The following PAPOLA variants were observed in gnomAD, a reference collection of about 807,000 sequenced individuals.
PAPOLA encodes poly(A) polymerase alpha.
In PAPOLA, 15 loss-of-function variants were observed where a neutral mutation model predicts 100.6. That is an observed-to-expected ratio of 0.15 (90% CI 0.10 to 0.23). The LOEUF is 0.23. PAPOLA is among the 10% of genes least tolerant of loss of function. PAPOLA has a pLI of 1.00. For synonymous variants in PAPOLA, 293 were observed against 300.0 expected, an observed-to-expected ratio of 0.98 and a Z score of 0.24; for missense variants, 533 against 884.2, an observed-to-expected ratio of 0.60 and a Z score of 5.04.
At position 96,502,452 on chromosome 14, in the gene PAPOLA, G is replaced by T; in HGVS notation, c.-141G>T. On this transcript the variant is annotated 5_prime_UTR_variant, in exon 1 of 22. Coordinates refer to ENST00000216277, the MANE Select transcript of PAPOLA (RefSeq NM_032632.5). ...GGAAGGAGGAGAAGCGCTTAAAGCGGCGGGAGCGGTGCGGGAGAGGGGTTG... is the reference window on the plus strand; with the variant it reads ...GGAAGGAGGAGAAGCGCTTAAAGCGTCGGGAGCGGTGCGGGAGAGGGGTTG... The T allele has an allele frequency of 1.4e-6, 1 of 712,550 alleles. No individual in the cohort carries two copies. Among genetic ancestry groups the T allele is most frequent in the Non-Finnish European group, 2.5e-6 (1 of 399,022 alleles). 44.1% of individuals were successfully genotyped at this position (712,550 alleles called of 1,614,324 possible). A position where few individuals can be genotyped will look rare whatever the true frequency, so the allele number is the denominator to read the frequency against.
intron 1 of PAPOLA, among the ~76,000 whole-genome samples, chr14:96,510,335 G>A (rs1897026522): frequency 6.6e-6 from 1 of 150,966 alleles, no homozygotes; most frequent in African/African-American, 2.4e-5. Flanking sequence ...ACTTTTTCAG[G>A]TCCTGTTTCA....
intron 1 of PAPOLA, among the ~76,000 whole-genome samples, chr14:96,509,589 G>A (rs930127253): frequency 1.3e-5 from 2 of 152,256 alleles, no homozygotes; most frequent in Admixed American, 1.3e-4. Context: ...TGGGAACAGT[G>A]TACTTAACAC....
chr14:96,532,306 G>GTA, intron 7 of PAPOLA, 25 bp from the exon 8 acceptor site: 1 of 1,250,222 alleles, frequency 8.0e-7, no homozygotes, highest in Non-Finnish European at 1.1e-6. Context: ...GTGTGTGTGT[G>GTA]TTTTTTTTTA....
chr14:96,552,333 T>A (rs1468061976), intron 16 of PAPOLA, 147 bp from the exon 17 acceptor site: 1 of 689,366 alleles, frequency 1.5e-6, no homozygotes, highest in Admixed American at 2.9e-5. Flanking sequence ...TCGTTGCCTT[T>A]TAGAGTCAGC....
At chr14:96,533,255 A>T in intron 9 of PAPOLA, 1 of 984,444 alleles carries the variant, frequency 1.0e-6, no homozygotes. Flanking sequence ...CTGCCATTTT[A>T]TATTAATTGC....
chr14:96,519,845 T>A (rs1157981276), intron 1 of PAPOLA, among the ~76,000 whole-genome samples: 3 of 152,248 alleles, frequency 2.0e-5, no homozygotes, highest in Non-Finnish European at 1.5e-5. Flanking sequence ...CTAACTTAGA[T>A]GTTTAAGTAG....
At chr14:96,534,367 C>T (rs761785951) in intron 9 of PAPOLA, 124 bp from the exon 10 acceptor site, 6 of 1,490,228 alleles carry the variant, frequency 4.0e-6, no homozygotes, top group East Asian at 4.7e-5. Flanking sequence ...AGGATTAAAA[C>T]GTTGTATGTA....
chr14:96,538,820 C>G (rs1028849867), intron 12 of PAPOLA, among the ~76,000 whole-genome samples: 6 of 151,916 alleles, frequency 3.9e-5, no homozygotes, highest in Non-Finnish European at 7.4e-5. Flanking sequence ...ACTGTACAAC[C>G]AAATGGAAAT....
intron 12 of PAPOLA, among the ~76,000 whole-genome samples, chr14:96,540,956 C>G (rs762658949): frequency 3.9e-4 from 60 of 152,208 alleles, no homozygotes; most frequent in Admixed American, 9.2e-4. Flanking sequence ...GTGCGATGAT[C>G]TCGGCTCACT....
At chr14:96,531,258 C>T (rs1221117262) in intron 6 of PAPOLA, among the ~76,000 whole-genome samples, 5 of 151,994 alleles carry the variant, frequency 3.3e-5, no homozygotes, top group African/African-American at 1.2e-4. Context: ...GCCCAGGCCT[C>T]CCAAAGTGCT....
chr14:96,531,465 T>G lies in PAPOLA; in HGVS notation c.496-10T>G, dbSNP rs368481608. 2.0e-4 allele frequency: 316 copies of G among 1,585,014 alleles called. No individual in the cohort carries two copies. The highest frequency in any genetic ancestry group is 2.6e-4 in the Non-Finnish European group (305 of 1,163,262). On this transcript the variant is annotated splice_polypyrimidine_tract_variant and intron_variant, in intron 6 of 21. Coordinates refer to ENST00000216277, the MANE Select transcript of PAPOLA (RefSeq NM_032632.5). ...GACAGATATGGAATGTTGTTTTGTT[T>G]GTGTTTCAGATTGATATTTTGTTTG...
chr14:96,518,802 A>G (rs1481990609), intron 1 of PAPOLA, among the ~76,000 whole-genome samples: 1 of 151,876 alleles, frequency 6.6e-6, no homozygotes, highest in African/African-American at 2.4e-5. Context: ...CATGCCTGTA[A>G]TCCCAGCACT....
chr14:96,534,409 C>G (rs1233952266), intron 9 of PAPOLA, 82 bp from the exon 10 acceptor site: 5 of 1,561,146 alleles, frequency 3.2e-6, no homozygotes, highest in Non-Finnish European at 4.3e-6. Context: ...GGATCACGTT[C>G]ACAAATGCTG....
intron 1 of PAPOLA, among the ~76,000 whole-genome samples, chr14:96,517,698 CTTT>C (rs774296764): frequency 8.2e-6 from 1 of 121,856 alleles, no homozygotes. Context: ...TCAGCAAATG[CTTT>C]TTTTTTTTTT....
At chr14:96,502,777 C>G (rs1461803515) in intron 1 of PAPOLA, 177 bp downstream of exon 1, 1 of 626,374 alleles carries the variant, frequency 1.6e-6, no homozygotes, top group Non-Finnish European at 2.5e-6. Flanking sequence ...GCACTTCCCC[C>G]CGTGTGCTGG....
chr14:96,517,990 CACCA>C (rs1402564117), intron 1 of PAPOLA, among the ~76,000 whole-genome samples: 1 of 152,042 alleles, frequency 6.6e-6, no homozygotes, highest in East Asian at 1.9e-4. Context: ...AAGTGTGAGA[CACCA>C]TGCTTGGGCC....
chr14:96,503,980 GACTTA>G (rs1355227460), intron 1 of PAPOLA, among the ~76,000 whole-genome samples: 1 of 152,136 alleles, frequency 6.6e-6, no homozygotes, highest in African/African-American at 2.4e-5. Flanking sequence ...ACGTTTGTTA[GACTTA>G]ACTAACTATA....
chr14:96,544,180 T>G lies in PAPOLA; in HGVS notation c.1321T>G (p.Leu441Val). ...EEFRTMWVIG[L>V]VFKKTENSEN... ...ATTTCGCACGATGTGGGTGATTGGGTTAGTGTTTAAAAAAACAGAAAACTC... is the reference window on the plus strand; with the variant it reads ...ATTTCGCACGATGTGGGTGATTGGGGTAGTGTTTAAAAAAACAGAAAACTC... The change falls in exon 15 of 22, where the codon TTA becomes GTA. Residue 441 changes from leucine (L) to valine (V), a missense_variant. By Grantham distance (32) the Leu-to-Val change is conservative. Around this residue, in one of 9 missense-constraint regions of PAPOLA, gnomAD observed 19 missense variants for 18.7 expected, o/e 1.01. Transcript: ENST00000216277. The G allele has an allele frequency of 6.2e-7, 1 of 1,608,008 alleles. No homozygotes were observed. Among genetic ancestry groups the G allele is most frequent in the Non-Finnish European group, 8.5e-7 (1 of 1,174,684 alleles).
chr14:96,509,827 T>C (rs1299508404), intron 1 of PAPOLA, among the ~76,000 whole-genome samples: 1 of 152,246 alleles, frequency 6.6e-6, no homozygotes, highest in Non-Finnish European at 1.5e-5. Flanking sequence ...TGGTCTGTCA[T>C]TGACTGAAGA....
Sources: gnomAD v4.1 joint callset for allele counts (sites outside exome capture counted in the v4.1 genomes callset) on GRCh38, gnomAD v4.1.1 for gene constraint, gnomAD v4.1.1 regional missense constraint, MANE v1.5 for transcripts, NCBI Gene and HGNC (gene_info 2026-07-23, HGNC 2026-07-21) for gene names.